The following HMBOX1 variants were observed in gnomAD, a reference collection of about 807,000 sequenced individuals.
The protein encoded by HMBOX1 is homeobox containing 1.
In HMBOX1, 14 loss-of-function variants were observed where a neutral mutation model predicts 54.5. The observed-to-expected ratio is 0.26, with a 90% CI of 0.17 to 0.40. The LOEUF (loss-of-function observed/expected upper bound fraction) is 0.40. HMBOX1 is among the 10% of genes least tolerant of loss of function. The pLI is 1.00. For missense variants in HMBOX1, 332 were observed against 514.4 expected (o/e 0.65, Z 3.43); for synonymous variants, 160 against 181.0 (o/e 0.88, Z 0.93).
At chr8:29,024,313 G>A (rs1323604692) in intron 6 of HMBOX1, among the ~76,000 whole-genome samples, 1 of 152,172 alleles carries the variant, frequency 6.6e-6, no homozygotes. Context: ...CTGAGAAAAG[G>A]CATTATAATG....
intron 1 of HMBOX1, among the ~76,000 whole-genome samples, chr8:28,938,485 C>T (rs1203014827): frequency 3.9e-5 from 6 of 152,046 alleles, no homozygotes; most frequent in Non-Finnish European, 8.8e-5. Flanking sequence ...TTAGCTTAGA[C>T]TGGAATACAG....
chr8:29,029,263 T>G (rs1200203998), intron 6 of HMBOX1, among the ~76,000 whole-genome samples: 1 of 152,234 alleles, frequency 6.6e-6, no homozygotes, highest in African/African-American at 2.4e-5. Flanking sequence ...TTTATATCAC[T>G]TATGCAGAAA....
At chr8:28,922,900 G>A (rs1018411844) in intron 1 of HMBOX1, among the ~76,000 whole-genome samples, 10 of 152,086 alleles carry the variant, frequency 6.6e-5, no homozygotes, top group African/African-American at 2.4e-4. Flanking sequence ...GATGCTATGT[G>A]TCTGATCTCT....
chr8:29,045,291 T>C, intron 6 of HMBOX1, 70 bp from the exon 7 acceptor site: 1 of 1,145,786 alleles, frequency 8.7e-7, no homozygotes, highest in East Asian at 2.3e-5. Context: ...TATTTTTCAG[T>C]GAGTTAGTGT....
intron 1 of HMBOX1, among the ~76,000 whole-genome samples, chr8:28,923,314 G>C (rs985731438): frequency 6.6e-6 from 1 of 152,140 alleles, no homozygotes; most frequent in African/African-American, 2.4e-5. Flanking sequence ...TGCATAGCCA[G>C]GGTTTTCAGG....
intron 1 of HMBOX1, among the ~76,000 whole-genome samples, chr8:28,902,102 G>T (rs781488192): frequency 6.6e-6 from 1 of 152,134 alleles, no homozygotes; most frequent in Non-Finnish European, 1.5e-5. Context: ...TTCATGTTAT[G>T]TATATGAATT....
At chr8:29,017,032 C>T (rs1157870895) in intron 5 of HMBOX1, among the ~76,000 whole-genome samples, 1 of 152,158 alleles carries the variant, frequency 6.6e-6, no homozygotes, top group Non-Finnish European at 1.5e-5. Context: ...ATGTCTGAGG[C>T]CTTGTTTCTG....
intron 1 of HMBOX1, among the ~76,000 whole-genome samples, chr8:28,913,881 G>T (rs1242765400): frequency 6.9e-6 from 1 of 145,694 alleles, no homozygotes; most frequent in Non-Finnish European, 1.5e-5. Flanking sequence ...TTTTTTGCGG[G>T]GGCGGAGGGA....
chr8:28,973,021 A>G (rs1827685935), intron 3 of HMBOX1, among the ~76,000 whole-genome samples: 1 of 151,680 alleles, frequency 6.6e-6, no homozygotes, highest in Middle Eastern at 3.2e-3. Flanking sequence ...GGTTCTCCTG[A>G]TCATCTTGGG....
In HMBOX1 at chr8:28,970,280, A is replaced by G. The variant is rs562722483; in HGVS notation, c.261A>G (p.Thr87=). ...TCCCAGCATCTTCCTCTACAGCTAC[A>G]GCTTCCACACAGACGCAGCATTCGG... is the stretch of plus-strand genomic sequence containing the variant. ...NNVPASSSTA[T]ASTQTQHSGM... The change falls in exon 3 of 10, where the codon ACA becomes ACG. Residue 87 remains threonine (T), a synonymous_variant. Transcript: ENST00000287701. This position sits in a 1 kb window ranked among gnomAD's most constrained non-coding sequence, Gnocchi z 4.3. 2 of 1,614,100 alleles carry G rather than the reference A, an allele frequency of 1.2e-6. No individual in the cohort carries two copies. Among genetic ancestry groups the G allele is most frequent in the African/African-American group, 1.3e-5 (1 of 74,940 alleles).
At chr8:28,983,990 G>A (rs1279250700) in intron 4 of HMBOX1, among the ~76,000 whole-genome samples, 1 of 152,180 alleles carries the variant, frequency 6.6e-6, no homozygotes, top group African/African-American at 2.4e-5. Context: ...AAACTCAGGG[G>A]CAAGGCTTCT....
chr8:28,942,986 T>C (rs1476702859), intron 1 of HMBOX1, among the ~76,000 whole-genome samples: 1 of 152,256 alleles, frequency 6.6e-6, no homozygotes, highest in Middle Eastern at 3.2e-3. Context: ...GTTTTGTCTC[T>C]GATTCCTAGC....
chr8:28,910,297 A>G (rs1400001954), intron 1 of HMBOX1, among the ~76,000 whole-genome samples: 2 of 152,112 alleles, frequency 1.3e-5, no homozygotes, highest in Non-Finnish European at 2.9e-5. Context: ...AAAATACCAC[A>G]TTTTGTTTGT....
intron 6 of HMBOX1, among the ~76,000 whole-genome samples, chr8:29,034,643 G>A (rs1249992554): frequency 6.6e-6 from 1 of 152,210 alleles, no homozygotes; most frequent in African/African-American, 2.4e-5. Context: ...ATGACCGGAG[G>A]TCAGGAGTTC....
chr8:29,007,949 A>G (rs922829738), intron 4 of HMBOX1, among the ~76,000 whole-genome samples: 9 of 152,094 alleles, frequency 5.9e-5, no homozygotes, highest in African/African-American at 2.2e-4. Flanking sequence ...CTTGCTTTTA[A>G]TGAGTTAAAT....
intron 3 of HMBOX1, among the ~76,000 whole-genome samples, chr8:28,973,605 T>G (rs1827812465): frequency 6.6e-6 from 1 of 152,092 alleles, no homozygotes. Flanking sequence ...TATGGTGATA[T>G]GATAGCCCGT....
At chr8:28,933,020 C>A (rs1036778410) in intron 1 of HMBOX1, among the ~76,000 whole-genome samples, 3 of 152,120 alleles carry the variant, frequency 2.0e-5, no homozygotes, top group Non-Finnish European at 2.9e-5. Flanking sequence ...CATATAACCT[C>A]ATTTTTGTCA....
At chr8:29,011,953 TA>T in intron 5 of HMBOX1, among the ~76,000 whole-genome samples, 1 of 152,196 alleles carries the variant, frequency 6.6e-6, no homozygotes, top group Non-Finnish European at 1.5e-5. Context: ...TGTCACCTTT[TA>T]AAAAGTACTT....
intron 1 of HMBOX1, among the ~76,000 whole-genome samples, chr8:28,896,678 A>G (rs937818988): frequency 2.6e-5 from 4 of 151,812 alleles, no homozygotes; most frequent in Non-Finnish European, 5.9e-5. Context: ...CCAGTGCGTT[A>G]CAGTTGCCTA....
Sources: gnomAD v4.1 joint callset for allele counts (sites outside exome capture counted in the v4.1 genomes callset) on GRCh38, gnomAD v4.1.1 for gene constraint, Gnocchi (gnomAD v3.1) non-coding constraint, MANE v1.5 for transcripts, NCBI Gene and HGNC (gene_info 2026-07-23, HGNC 2026-07-21) for gene names.